Variants in PRKCQ observed in about 807,000 individuals in gnomAD.
The protein encoded by PRKCQ is protein kinase C theta type.
A neutral mutation model predicts 91.2 loss-of-function variants in PRKCQ; 41 were observed. That is an observed-to-expected ratio of 0.45 (90% confidence interval 0.35 to 0.58). The LOEUF is 0.58. Ranked by LOEUF, PRKCQ falls within the 20% of genes least tolerant of loss-of-function variation. The pLI, the probability that PRKCQ is intolerant of heterozygous loss-of-function variation, is 0.00. For missense variants in PRKCQ, 673 were observed against 896.5 expected (o/e 0.75, Z 3.18); for synonymous variants, 307 against 316.9 (o/e 0.97, Z 0.33).
chr10:6,415,428 A>ACACACT, the PRKCQ span, among the ~76,000 whole-genome samples: 2 of 60,838 alleles, frequency 3.3e-5, no homozygotes, highest in African/African-American at 6.8e-5. Flanking sequence ...ATATATATAT[A>ACACACT]TATATATATA....
At chr10:6,495,283 C>T (rs1304629706) in intron 7 of PRKCQ, among the ~76,000 whole-genome samples, 5 of 152,330 alleles carry the variant, frequency 3.3e-5, no homozygotes, top group South Asian at 2.1e-4. Flanking sequence ...AAAGAAACCC[C>T]GCATGACCCA....
chr10:6,493,102 C>G (rs9971258), intron 7 of PRKCQ, among the ~76,000 whole-genome samples: 32,344 of 152,090 alleles, frequency 0.21, 4,918 homozygotes, highest in African/African-American at 0.42. Context: ...ATCTTGAATG[C>G]AGGGGCAAAC....
chr10:6,446,661 C>T (rs563920933), intron 15 of PRKCQ, among the ~76,000 whole-genome samples: 10 of 152,146 alleles, frequency 6.6e-5, no homozygotes, highest in South Asian at 2.1e-4. Context: ...CCACCATGCC[C>T]GGCCCATGCC....
At chr10:6,420,946 G>A in the PRKCQ span, among the ~76,000 whole-genome samples, 1 of 151,564 alleles carries the variant, frequency 6.6e-6, no homozygotes, top group Non-Finnish European at 1.5e-5. Flanking sequence ...TCAGTTCTGG[G>A]GAGTTTTCTT....
At chr10:6,417,873 C>T in the PRKCQ span, among the ~76,000 whole-genome samples, 1,839 of 152,334 alleles carry the variant, frequency 0.012, 20 homozygotes, top group South Asian at 0.024. Flanking sequence ...AGCTTCTCAA[C>T]AGTGCTTGCT....
chr10:6,580,454 G>T (rs1280485579), upstream of PRKCQ: 1 of 152,150 alleles, frequency 6.6e-6, no homozygotes, highest in Non-Finnish European at 1.5e-5. Context: ...GTCCCCCGCC[G>T]TGCGCCCCCG....
At chr10:6,525,795 A>C (rs1839177703) in intron 1 of PRKCQ, among the ~76,000 whole-genome samples, 1 of 152,150 alleles carries the variant, frequency 6.6e-6, no homozygotes, top group South Asian at 2.1e-4. Flanking sequence ...GGAGGCCATG[A>C]AGTATCATTT....
At chr10:6,558,263 T>C (rs372524392) in intron 1 of PRKCQ, among the ~76,000 whole-genome samples, 6 of 152,364 alleles carry the variant, frequency 3.9e-5, no homozygotes, top group Admixed American at 3.3e-4. Context: ...AAAGATGTTT[T>C]GGTTTCTTAA....
At chr10:6,572,096 A>G (rs1466524565) in intron 1 of PRKCQ, among the ~76,000 whole-genome samples, 1 of 152,212 alleles carries the variant, frequency 6.6e-6, no homozygotes, top group African/African-American at 2.4e-5. Flanking sequence ...CCCGCGATCC[A>G]GGCCCAGGGC....
intron 7 of PRKCQ, among the ~76,000 whole-genome samples, chr10:6,494,439 TA>T (rs1244593654): frequency 6.8e-6 from 1 of 147,872 alleles, no homozygotes; most frequent in Middle Eastern, 3.2e-3. Flanking sequence ...AATATCAACT[TA>T]CAGGTTGTTT....
In PRKCQ at chr10:6,511,050, T is replaced by A; in HGVS notation, c.263A>T (p.Glu88Val). The stretch of plus-strand genomic sequence containing the variant: ...GCACCTCTCAGCCAGCGAGTAGAGC[T>A]CCACGGTGGTTTCAGAGATGAGGTC... ...NVDLISETTV[E>V]LYSLAERCRK... The change falls in exon 3 of 18, where the codon GAG (glutamate) becomes GTG (valine). Residue 88 changes from glutamate to valine, a missense_variant. Glu to Val is a moderately radical substitution (Grantham distance 121). Transcript: ENST00000263125. 6.2e-7 allele frequency: 1 copy of A among 1,614,138 alleles called. No individual in the cohort carries two copies. Among genetic ancestry groups the A allele is most frequent in the Non-Finnish European group, 8.5e-7 (1 of 1,180,014 alleles).
At chr10:6,443,785 G>C (rs560191890) in intron 15 of PRKCQ, among the ~76,000 whole-genome samples, 1 of 152,206 alleles carries the variant, frequency 6.6e-6, no homozygotes, top group Non-Finnish European at 1.5e-5. Flanking sequence ...ATTATGCTAA[G>C]TGAAGTAAGC....
chr10:6,553,489 C>CAAAAAAAAAAAAAAAAAAAAAAAAAA (rs869196227), intron 1 of PRKCQ, among the ~76,000 whole-genome samples: 1 of 8,868 alleles, frequency 1.1e-4, no homozygotes, highest in African/African-American at 2.3e-4. Context: ...GACCCTGTCT[C>CAAAAAAAAAAAAAAAAAAAAAAAAAA]AAAAAAAAAA....
chr10:6,534,221 T>C (rs1047590857), intron 1 of PRKCQ, among the ~76,000 whole-genome samples: 1 of 152,170 alleles, frequency 6.6e-6, no homozygotes. Context: ...AAATAAAAGA[T>C]AGGTAAATCA....
At chr10:6,546,965 C>T (rs1839974623) in intron 1 of PRKCQ, among the ~76,000 whole-genome samples, 1 of 152,114 alleles carries the variant, frequency 6.6e-6, no homozygotes, top group Non-Finnish European at 1.5e-5. Flanking sequence ...TTGTCAAAGG[C>T]CTTTTCTGAA....
intron 17 of PRKCQ, among the ~76,000 whole-genome samples, chr10:6,429,788 T>G: frequency 6.9e-6 from 1 of 145,034 alleles, no homozygotes. Flanking sequence ...CAGGCTGGAG[T>G]GCAGTGGTGT....
intron 14 of PRKCQ, among the ~76,000 whole-genome samples, chr10:6,460,400 G>T (rs890953679): frequency 4.0e-5 from 6 of 151,794 alleles, no homozygotes; most frequent in Admixed American, 6.6e-5. Flanking sequence ...TGTGGGTTTA[G>T]GTTTCACGGG....
intron 13 of PRKCQ, among the ~76,000 whole-genome samples, chr10:6,463,512 A>G (rs1835468434): frequency 6.6e-6 from 1 of 152,192 alleles, no homozygotes; most frequent in Non-Finnish European, 1.5e-5. Context: ...CAGAGCAATG[A>G]TCTCAGCAGA....
chr10:6,552,400 C>T (rs937196472), intron 1 of PRKCQ, among the ~76,000 whole-genome samples: 7 of 151,768 alleles, frequency 4.6e-5, no homozygotes, highest in South Asian at 2.1e-4. Context: ...AGGCTCAGTG[C>T]GTGCAGTCTC....
Sources: gnomAD v4.1 joint callset for allele counts (sites outside exome capture counted in the v4.1 genomes callset) on GRCh38, gnomAD v4.1.1 for gene constraint, MANE v1.5 for transcripts, NCBI Gene and HGNC (gene_info 2026-07-23, HGNC 2026-07-21) for gene names.